PSMA5: variants seen among roughly 807,000 people sequenced by gnomAD.
PSMA5 encodes the protein proteasome subunit alpha type-5.
In PSMA5, 3 loss-of-function variants were observed where a neutral mutation model predicts 34.5. The ratio of observed to expected loss-of-function variants is 0.09; its 90% CI spans 0.04 to 0.22. PSMA5 has a LOEUF of 0.22. Ranked by LOEUF, PSMA5 falls within the 10% of genes least tolerant of loss-of-function variation. The pLI is 1.00. For synonymous variants in PSMA5, 88 were observed against 95.8 expected (o/e 0.92, Z 0.47); for missense variants, 120 against 286.1 (o/e 0.42, Z 4.19).
At chr1:109,421,018 CAAAAAAAA>C (rs60663577) in intron 2 of PSMA5, among the ~76,000 whole-genome samples, 41 of 87,710 alleles carry the variant, frequency 4.7e-4, no homozygotes, top group African/African-American at 1.6e-3. Flanking sequence ...ACATCTCTAC[CAAAAAAAA>C]AAAAAAAAAA....
chr1:109,403,447 G>GACCC (rs1239739057), intron 8 of PSMA5, among the ~76,000 whole-genome samples: 2 of 151,260 alleles, frequency 1.3e-5, no homozygotes, highest in Admixed American at 1.3e-4. Flanking sequence ...AACACAGGGA[G>GACCC]ACCCCGTGTC....
At position 109,423,213 on chromosome 1, in the gene PSMA5, C is replaced by T. The variant is rs1364209776; in HGVS notation, c.30-1287G>A. The stretch of plus-strand genomic sequence containing the variant: ...CAGCACGTTGGGAGGATGAGGCAGG[C>T]GGATCACCTGAGGTCAGGAGTTCGA... On this transcript the variant is annotated intron_variant, in intron 1 of 8. Transcript: ENST00000271308. 3.9e-5 allele frequency among the ~76,000 whole-genome samples: 6 copies of T among 152,148 alleles called. No individual in the cohort carries two copies. The South Asian group carries it at 8.3e-4, about 21-fold the overall frequency.
intron 2 of PSMA5, among the ~76,000 whole-genome samples, chr1:109,417,264 A>G (rs1387151184): frequency 6.6e-6 from 1 of 152,238 alleles, no homozygotes; most frequent in African/African-American, 2.4e-5. Context: ...GAGAAGACAC[A>G]GCAACAAAAC....
chr1:109,413,127 T>C lies in PSMA5; in HGVS notation c.232A>G (p.Met78Val), dbSNP rs181530546. 1,246 of 1,613,652 alleles carry C rather than the reference T, an allele frequency of 7.7e-4. 8 individuals carry two copies. Among genetic ancestry groups the C allele is most frequent in the Non-Finnish European group, 4.0e-5 (47 of 1,179,690 alleles). ...TTAGCATCAGCAATTAGCCCACTCA[T>C]GGCACAACCTGCAATGTAAAAGCGA... Reference protein sequence around the residue: ...VEIDAHIGCAMSGLIADAKTL... With the variant: ...VEIDAHIGCAVSGLIADAKTL... The change falls in exon 4 of 9, where the codon ATG (methionine) becomes GTG (valine). Residue 78 changes from methionine to valine, a missense_variant. Met to Val is a conservative substitution (Grantham distance 21). Coordinates refer to ENST00000271308, the MANE Select transcript of PSMA5 (RefSeq NM_002790.4).
chr1:109,426,164 G>A (rs1654648597), intron 1 of PSMA5, 138 bp downstream of exon 1: 1 of 1,181,484 alleles, frequency 8.5e-7, no homozygotes, highest in Non-Finnish European at 1.2e-6. Context: ...GGGCGCCTGA[G>A]GAGGGCATAA....
intron 8 of PSMA5, among the ~76,000 whole-genome samples, chr1:109,406,306 G>A (rs1653759261): frequency 6.6e-6 from 1 of 152,164 alleles, no homozygotes; most frequent in Non-Finnish European, 1.5e-5. Flanking sequence ...CTGTTTGGAG[G>A]AGACTTGGCA....
Position 109,420,300 on chromosome 1 carries a change from G to C in PSMA5, c.96+1560C>G, listed in dbSNP as rs1304791665. 6.6e-5 allele frequency among the ~76,000 whole-genome samples: 10 copies of C among 152,292 alleles called. No homozygotes were observed. In the South Asian group the frequency reaches 1.0e-3, roughly 16 times the overall value. ...CCACCTCAGAAGACAATTGTGTGTG[G>C]TGGGGAGTAGGGGTGTGGGGTTAGG... On this transcript the variant is annotated intron_variant, in intron 2 of 8. Transcript: ENST00000271308.
chr1:109,421,203 C>A (rs1335272222), intron 2 of PSMA5, among the ~76,000 whole-genome samples: 1 of 151,850 alleles, frequency 6.6e-6, no homozygotes, highest in African/African-American at 2.4e-5. Flanking sequence ...ACCACTAAAA[C>A]AAATCTCTTA....
At chr1:109,423,055 T>C (rs746236873) in intron 1 of PSMA5, among the ~76,000 whole-genome samples, 1 of 152,230 alleles carries the variant, frequency 6.6e-6, no homozygotes, top group Non-Finnish European at 1.5e-5. Context: ...GAGCACACAA[T>C]GGACACAAAA....
chr1:109,426,426 G>T lies in PSMA5; in HGVS notation c.-96C>A. ...TCACCGGCAGCCAACTCACCCACAC[G>T]GCCGCAGTACTAAGGACCAACTGCG... On this transcript the variant is annotated 5_prime_UTR_variant, in exon 1 of 9. Coordinates refer to ENST00000271308, the MANE Select transcript of PSMA5 (RefSeq NM_002790.4). The T allele has an allele frequency of 2.7e-6, 4 of 1,494,296 alleles. No homozygotes were observed. The highest frequency in any genetic ancestry group is 2.3e-5 in the East Asian group (1 of 44,296). 92.6% of individuals were successfully genotyped at this position (1,494,296 alleles called of 1,614,324 possible). A position where few individuals can be genotyped will look rare whatever the true frequency, so the allele number is the denominator to read the frequency against.
At chr1:109,425,367 T>C (rs1483110914) in intron 1 of PSMA5, 1 of 152,238 alleles carries the variant, frequency 6.6e-6, no homozygotes, top group Non-Finnish European at 1.5e-5. Context: ...TTCTCTTCAA[T>C]GTTCTGGAAG....
intron 2 of PSMA5, among the ~76,000 whole-genome samples, chr1:109,416,695 T>C (rs1423453764): frequency 6.6e-6 from 1 of 152,270 alleles, no homozygotes; most frequent in African/African-American, 2.4e-5. Flanking sequence ...TGTTGAGTTG[T>C]GACTTTATTT....
chr1:109,402,949 C>T (rs1653597705), intron 8 of PSMA5, among the ~76,000 whole-genome samples: 1 of 152,168 alleles, frequency 6.6e-6, no homozygotes, highest in African/African-American at 2.4e-5. Context: ...AGGTGATCTG[C>T]CCACCTCAGC....
At chr1:109,423,660 GA>G (rs1654534402) in intron 1 of PSMA5, among the ~76,000 whole-genome samples, 1 of 152,040 alleles carries the variant, frequency 6.6e-6, no homozygotes, top group African/African-American at 2.4e-5. Context: ...CCCAACATAC[GA>G]AGTTCTAAAT....
At chr1:109,421,833 C>G in intron 2 of PSMA5, 27 bp downstream of exon 2, 1 of 1,535,614 alleles carries the variant, frequency 6.5e-7, no homozygotes, top group Non-Finnish European at 8.8e-7. Flanking sequence ...CATGAAATTT[C>G]AGGACCTATG....
At chr1:109,424,078 TC>T (rs1358305020) in intron 1 of PSMA5, among the ~76,000 whole-genome samples, 1 of 152,182 alleles carries the variant, frequency 6.6e-6, no homozygotes, top group Non-Finnish European at 1.5e-5. Context: ...CCTTCATTTA[TC>T]CCATATTCTC....
At position 109,400,450 on chromosome 1, in the gene PSMA5, T is replaced by C. The variant is rs1653466615; in HGVS notation, c.*1563A>G. 6.6e-6 allele frequency: 1 copy of C among 152,246 alleles called. No individual in the cohort carries two copies. Among genetic ancestry groups the C allele is most frequent in the Admixed American group, 6.5e-5 (1 of 15,282 alleles). 9.4% of individuals were successfully genotyped at this position (152,246 alleles called of 1,614,324 possible). On this transcript the variant is annotated 3_prime_UTR_variant, in exon 9 of 9. Coordinates refer to ENST00000271308, the MANE Select transcript of PSMA5 (RefSeq NM_002790.4). ...ATAGTAGGTAGGTGCTCAATAAATT[T>C]GTTACAGGAATAAATGAGATAGGAT... is the stretch of plus-strand genomic sequence containing the variant.
intron 4 of PSMA5, 149 bp from the exon 5 acceptor site, chr1:109,412,333 A>AG (rs1571021215): frequency 3.3e-6 from 2 of 608,752 alleles, no homozygotes; most frequent in East Asian, 2.8e-5. Flanking sequence ...AGTACTTGGG[A>AG]GTACATGAGA....
intron 8 of PSMA5, among the ~76,000 whole-genome samples, chr1:109,406,638 G>A (rs1258423596): frequency 6.6e-6 from 1 of 152,158 alleles, no homozygotes; most frequent in Non-Finnish European, 1.5e-5. Context: ...TTCAAGACCA[G>A]TCTAGGCAAT....
Sources: allele counts gnomAD v4.1 joint callset (sites outside exome capture counted in the v4.1 genomes callset), GRCh38; gene constraint gnomAD v4.1.1; transcripts MANE v1.5; gene names NCBI Gene and HGNC (gene_info 2026-07-23, HGNC 2026-07-21).